PPP2R1B: variants seen among roughly 807,000 people sequenced by gnomAD.
The protein encoded by PPP2R1B is protein phosphatase 2 scaffold subunit Abeta.
PPP2R1B carries 58 observed loss-of-function variants against 72.7 expected under a neutral mutation model. The observed-to-expected ratio is 0.80, with a 90% CI of 0.65 to 0.99. The LOEUF (loss-of-function observed/expected upper bound fraction) is 0.99. Ranked by LOEUF, PPP2R1B falls within the 50% of genes least tolerant of loss-of-function variation. The pLI, the probability that PPP2R1B is intolerant of heterozygous loss-of-function variation, is 0.00. For synonymous variants in PPP2R1B, 256 were observed against 264.6 expected, an observed-to-expected ratio of 0.97 and a Z score of 0.32; for missense variants, 695 against 733.6, an observed-to-expected ratio of 0.95 and a Z score of 0.61.
intron 10 of PPP2R1B, 120 bp downstream of exon 10, chr11:111,752,039 G>A: frequency 1.8e-6 from 2 of 1,104,868 alleles, no homozygotes; most frequent in South Asian, 3.6e-5. Flanking sequence ...ACAAGAACAA[G>A]GCCATACTTT....
the PPP2R1B span, among the ~76,000 whole-genome samples, chr11:111,707,295 C>T: frequency 2.0e-5 from 3 of 152,178 alleles, no homozygotes; most frequent in African/African-American, 4.8e-5. Flanking sequence ...TTCCTGAGCA[C>T]GTGCATGTGT....
At chr11:111,742,185 G>A (rs1944547086) in intron 13 of PPP2R1B, 41 bp from the exon 14 acceptor site, 1 of 1,483,704 alleles carries the variant, frequency 6.7e-7, no homozygotes, top group South Asian at 1.1e-5. Flanking sequence ...CAGTCTAATG[G>A]GCCATAGAAA....
intron 15 of PPP2R1B, among the ~76,000 whole-genome samples, chr11:111,731,677 C>T (rs1944199207): frequency 6.6e-6 from 1 of 152,310 alleles, no homozygotes. Flanking sequence ...AAGGTGCAGT[C>T]GGCAGGGCCC....
chr11:111,721,056 C>G, the PPP2R1B span: 2 of 1,612,714 alleles, frequency 1.2e-6, no homozygotes, highest in Non-Finnish European at 1.7e-6. Context: ...CTAGCAGCTG[C>G]CCTCAGGTGG....
At position 111,741,527 on chromosome 11, in the gene PPP2R1B, A is replaced by T; in HGVS notation, c.*69T>A. On this transcript the variant is annotated 3_prime_UTR_variant, in exon 15 of 15. Transcript: ENST00000527614. Reference sequence around the variant, plus strand: ...AAGGTTTTCCATTCTTTCTCCACCCAGTTAAGAACACATTGACTAGAAATT... The same window carrying T: ...AAGGTTTTCCATTCTTTCTCCACCCTGTTAAGAACACATTGACTAGAAATT... The T allele has an allele frequency of 6.3e-7, 1 of 1,583,612 alleles. No homozygotes were observed. The highest frequency in any genetic ancestry group is 2.3e-5 in the East Asian group (1 of 44,326).
At chr11:111,720,493 T>A in the PPP2R1B span, 3 of 1,600,228 alleles carry the variant, frequency 1.9e-6, no homozygotes, top group Non-Finnish European at 1.7e-6. Flanking sequence ...ATTTTCTCCA[T>A]GAATGACAGC....
At chr11:111,742,027 G>GC in intron 14 of PPP2R1B, 26 bp downstream of exon 14, 2 of 1,567,564 alleles carry the variant, frequency 1.3e-6, no homozygotes, top group Non-Finnish European at 1.8e-6. Flanking sequence ...GGCATAAGCT[G>GC]CAAGGCAAAA....
At chr11:111,716,903 C>T in the PPP2R1B span, among the ~76,000 whole-genome samples, 14 of 152,132 alleles carry the variant, frequency 9.2e-5, no homozygotes, top group African/African-American at 3.4e-4. Flanking sequence ...GTCTAATATC[C>T]AGCCCATAAG....
the PPP2R1B span, among the ~76,000 whole-genome samples, chr11:111,717,317 CAAAAAAAAA>C: frequency 1.0e-4 from 5 of 49,466 alleles, no homozygotes; most frequent in African/African-American, 3.7e-4. Flanking sequence ...GACTCCGTCT[CAAAAAAAAA>C]AAAAAAAAAA....
At chr11:111,691,155 C>T in the PPP2R1B span, among the ~76,000 whole-genome samples, 2 of 152,138 alleles carry the variant, frequency 1.3e-5, no homozygotes, top group African/African-American at 4.8e-5. Flanking sequence ...TGGGTCAAAT[C>T]AGTGTTTCTG....
At position 111,739,721 on chromosome 11, in the gene PPP2R1B, A is replaced by T. The variant is rs1944457038; in HGVS notation, c.*1875T>A. On this transcript the variant is annotated 3_prime_UTR_variant, in exon 15 of 15. Coordinates refer to ENST00000527614, the MANE Select transcript of PPP2R1B (RefSeq NM_002716.5). ...GAAGACAAATGTCTCTCAAATATGA[A>T]ATTCAATGAAGAAGAACATAACTTG... 1.0e-6 allele frequency: 1 copy of T among 984,638 alleles called. No homozygotes were observed. Among genetic ancestry groups the T allele is most frequent in the Admixed American group, 6.1e-5 (1 of 16,272 alleles). The allele number at this position is 984,638 out of a possible 1,614,324, so 61.0% of individuals were successfully genotyped here.
intron 15 of PPP2R1B, chr11:111,730,916 TG>T (rs1271834919): frequency 1.3e-5 from 2 of 152,106 alleles, no homozygotes; most frequent in African/African-American, 4.8e-5. Flanking sequence ...GGGCCTTGGG[TG>T]GAATTTTTAG....
At chr11:111,727,961 G>A (rs2135993174) in intron 15 of PPP2R1B, 1 of 152,324 alleles carries the variant, frequency 6.6e-6, no homozygotes, top group East Asian at 1.9e-4. Context: ...TGTATCAACA[G>A]TCACATTTAA....
At chr11:111,703,118 C>T in the PPP2R1B span, 1 of 1,215,042 alleles carries the variant, frequency 8.2e-7, no homozygotes, top group Non-Finnish European at 1.2e-6. Flanking sequence ...GATTAACACC[C>T]TTGTACAAAG....
chr11:111,753,054 T>C (rs953854177), intron 9 of PPP2R1B, among the ~76,000 whole-genome samples: 12 of 152,190 alleles, frequency 7.9e-5, no homozygotes, highest in Admixed American at 2.0e-4. Flanking sequence ...TAAAAATACA[T>C]GCAAAGCACT....
rs2136051662 is a variant in PPP2R1B at position 111,744,432 on chromosome 11, A to T, written c.1400-902T>A. ...TCTTTGAATCAATGTGCCTGCCTTA[A>T]CATCTAATAATTCCCTATATCCTTT... On this transcript the variant is annotated intron_variant, in intron 11 of 14. Transcript: ENST00000527614. Among the ~76,000 whole-genome samples, 3 of 152,354 alleles carry T rather than the reference A, an allele frequency of 2.0e-5. No individual in the cohort carries two copies. In the East Asian group the frequency reaches 5.8e-4, roughly 29 times the overall value.
chr11:111,760,970 C>G lies in PPP2R1B; in HGVS notation c.388G>C (p.Glu130Gln). 6.2e-7 allele frequency: 1 copy of G among 1,614,228 alleles called. No individual in the cohort carries two copies. Among genetic ancestry groups the G allele is most frequent in the Non-Finnish European group, 8.5e-7 (1 of 1,180,046 alleles). ...GCTTCCAGAGCAACAGGAGTATGCT[C>G]CTGGGAGATCTGTCTCAGGGACTCC... ...AVESLRQISQ[E>Q]HTPVALEAYF... Residue 130 changes from glutamate to glutamine, a missense_variant, in exon 4 of 15, where the codon GAG becomes CAG. Glu to Gln is a conservative substitution (Grantham distance 29, BLOSUM62 2). Transcript: ENST00000527614.
intron 10 of PPP2R1B, among the ~76,000 whole-genome samples, chr11:111,751,746 G>A (rs566233412): frequency 2.0e-5 from 3 of 152,320 alleles, no homozygotes; most frequent in East Asian, 3.9e-4. Context: ...GGGAGGCTGA[G>A]GCGGGTGAAT....
rs896157782 is a variant in PPP2R1B at position 111,741,566 on chromosome 11, T to C, written c.*30A>G. 5 of 1,608,168 alleles carry C rather than the reference T, an allele frequency of 3.1e-6. No individual in the cohort carries two copies. The highest frequency in any genetic ancestry group is 4.2e-6 in the Non-Finnish European group (5 of 1,178,692). ...TGACTAGAAATTTGTGACAAGAATCTAGTAAAGGCCTTTTCCCTCCTGCTC... is the reference window on the plus strand; with the variant it reads ...TGACTAGAAATTTGTGACAAGAATCCAGTAAAGGCCTTTTCCCTCCTGCTC... On this transcript the variant is annotated 3_prime_UTR_variant, in exon 15 of 15. Transcript: ENST00000527614.
Sources: allele counts gnomAD v4.1 joint callset (sites outside exome capture counted in the v4.1 genomes callset), GRCh38; gene constraint gnomAD v4.1.1; transcripts MANE v1.5; gene names NCBI Gene and HGNC (gene_info 2026-07-23, HGNC 2026-07-21).